Variants in DHX36 observed in about 807,000 individuals in gnomAD.
DHX36 encodes the protein DEAH-box helicase 36.
A neutral mutation model predicts 139.0 loss-of-function variants in DHX36; 50 were observed. The observed-to-expected ratio is 0.36, with a 90% CI of 0.29 to 0.46. The LOEUF (loss-of-function observed/expected upper bound fraction) is 0.46. Ranked by LOEUF, DHX36 falls within the 20% of genes least tolerant of loss-of-function variation. The probability of loss-of-function intolerance (pLI) is 1.00; values close to 1 mark genes in which losing one functional copy is unlikely to be tolerated. For missense variants in DHX36, 1,024 were observed against 1,211.3 expected (o/e 0.85, Z 2.29); for synonymous variants, 425 against 401.9 (o/e 1.06, Z -0.69).
Position 154,291,923 on chromosome 3 carries a change from G to A in DHX36, c.1814+628C>T, listed in dbSNP as rs545773186. Among the ~76,000 whole-genome samples the A allele has an allele frequency of 3.9e-5, 6 of 152,292 alleles. No homozygotes were observed. In the South Asian group the frequency reaches 1.2e-3, roughly 32 times the overall value. Reference sequence around the variant, plus strand: ...TTTTCCTATCATTAAGACAGAGATAGTTTTACTTCTTAAGTTATTATGACA... The same window carrying A: ...TTTTCCTATCATTAAGACAGAGATAATTTTACTTCTTAAGTTATTATGACA... On this transcript the variant is annotated intron_variant, in intron 15 of 24. Transcript: ENST00000496811.
At chr3:154,297,839 T>A (rs1686565913) in intron 12 of DHX36, among the ~76,000 whole-genome samples, 1 of 151,902 alleles carries the variant, frequency 6.6e-6, no homozygotes, top group African/African-American at 2.4e-5. Flanking sequence ...GGAAAAAAAA[T>A]TTATATTGTT....
At chr3:154,314,862 T>C (rs901615471) in intron 3 of DHX36, 184 bp downstream of exon 3, 3 of 555,644 alleles carry the variant, frequency 5.4e-6, no homozygotes, top group Non-Finnish European at 6.4e-6. Flanking sequence ...TAGGATACTG[T>C]AGGTTATGTG....
Position 154,275,332 on chromosome 3 carries a change from G to A in DHX36, c.*839C>T, listed in dbSNP as rs1360261509. 1 of 152,118 alleles carries A rather than the reference G, an allele frequency of 6.6e-6. No individual in the cohort carries two copies. The highest frequency in any genetic ancestry group is 2.4e-5 in the African/African-American group (1 of 41,406). The allele number at this position is 152,118 out of a possible 1,614,324, so 9.4% of individuals were successfully genotyped here. A position where few individuals can be genotyped will look rare whatever the true frequency, so the allele number is the denominator to read the frequency against. Reference sequence around the variant, plus strand: ...AACTGTATTGTTTAGGGAATGACAAGGAAAAAAGTCTGCACATGTTCAGTA... The same window carrying A: ...AACTGTATTGTTTAGGGAATGACAAAGAAAAAAGTCTGCACATGTTCAGTA... On this transcript the variant is annotated 3_prime_UTR_variant, in exon 25 of 25. Coordinates refer to ENST00000496811, the MANE Select transcript of DHX36 (RefSeq NM_020865.3).
intron 19 of DHX36, among the ~76,000 whole-genome samples, chr3:154,283,755 C>A (rs921992069): frequency 7.9e-5 from 12 of 151,670 alleles, no homozygotes; most frequent in Admixed American, 4.6e-4. Flanking sequence ...GAATGTAGAG[C>A]CACAGAAAAA....
intron 8 of DHX36, among the ~76,000 whole-genome samples, chr3:154,304,598 A>C (rs1712428941): frequency 1.3e-5 from 2 of 152,164 alleles, no homozygotes; most frequent in Non-Finnish European, 2.9e-5. Flanking sequence ...TAGCAACAAG[A>C]AGCTACCTGT....
chr3:154,318,993 A>G (rs745888369), intron 1 of DHX36: 3 of 152,154 alleles, frequency 2.0e-5, no homozygotes, highest in Non-Finnish European at 4.4e-5. Flanking sequence ...TGAAAATGTA[A>G]TTTACACTCT....
intron 19 of DHX36, 129 bp downstream of exon 19, chr3:154,284,454 T>A (rs1478044356): frequency 1.4e-6 from 1 of 737,390 alleles, no homozygotes; most frequent in Admixed American, 3.1e-5. Flanking sequence ...GTGCTATGAT[T>A]ACAGGCATGA....
rs555272026 is a variant in DHX36 at position 154,306,139 on chromosome 3, A to G, written c.893+77T>C. On this transcript the variant is annotated intron_variant, in intron 6 of 24. Coordinates refer to ENST00000496811, the MANE Select transcript of DHX36 (RefSeq NM_020865.3). ...TAATAACCATCATAAAAATGGGGAA[A>G]ATATCCTTTCTTTTGAATCTCCAGC... The G allele has an allele frequency of 1.2e-5, 13 of 1,112,536 alleles. No homozygotes were observed. The South Asian group carries it at 1.7e-4, about 14-fold the overall frequency. The allele number at this position is 1,112,536 out of a possible 1,614,324, so 68.9% of individuals were successfully genotyped here.
chr3:154,280,959 T>TG, intron 20 of DHX36, 97 bp from the exon 21 acceptor site: 1 of 895,638 alleles, frequency 1.1e-6, no homozygotes, highest in Non-Finnish European at 1.7e-6. Context: ...AAGCTATCCC[T>TG]GCTTTATGAA....
chr3:154,284,334 C>A (rs1711501006), intron 19 of DHX36, among the ~76,000 whole-genome samples: 1 of 151,924 alleles, frequency 6.6e-6, no homozygotes, highest in Non-Finnish European at 1.5e-5. Context: ...ATGCCCACCA[C>A]CACACACAGC....
intron 12 of DHX36, among the ~76,000 whole-genome samples, chr3:154,295,628 AGTTT>A (rs1712014393): frequency 6.6e-6 from 1 of 152,180 alleles, no homozygotes; most frequent in Non-Finnish European, 1.5e-5. Flanking sequence ...TTGTTCTGTT[AGTTT>A]ATTTCATATT....
At position 154,283,277 on chromosome 3, in the gene DHX36, G is replaced by A. The variant is rs1165573845; in HGVS notation, c.2293-6C>T. 6.2e-7 allele frequency: 1 copy of A among 1,600,228 alleles called. No homozygotes were observed. The highest frequency in any genetic ancestry group is 8.6e-7 in the Non-Finnish European group (1 of 1,168,420). ...CGCCTAGCCTCTTCCCAGCCCTATG[G>A]GGCAAAGAAATGAAGAAATCTATAT... is the stretch of plus-strand genomic sequence containing the variant. On this transcript the variant is annotated splice_polypyrimidine_tract_variant and splice_region_variant and intron_variant, in intron 19 of 24. Coordinates refer to ENST00000496811, the MANE Select transcript of DHX36 (RefSeq NM_020865.3).
intron 1 of DHX36, 63 bp downstream of exon 1, chr3:154,324,111 G>A: frequency 6.7e-7 from 1 of 1,489,458 alleles, no homozygotes; most frequent in Non-Finnish European, 9.1e-7. Context: ...GAAAAAGGGG[G>A]CAGCGGGAGA....
chr3:154,309,099 G>C (rs1712631060), intron 5 of DHX36, among the ~76,000 whole-genome samples: 1 of 151,964 alleles, frequency 6.6e-6, no homozygotes, highest in African/African-American at 2.4e-5. Flanking sequence ...GAGGCAGGAG[G>C]ATCACTTGAA....
At chr3:154,312,900 T>TATATATATATATATATATAA (rs1331669290) in intron 3 of DHX36, among the ~76,000 whole-genome samples, 1 of 67,586 alleles carries the variant, frequency 1.5e-5, no homozygotes, top group Non-Finnish European at 2.8e-5. Context: ...TATATATATA[T>TATATATATATATATATATAA]AAAATAAATA....
intron 14 of DHX36, 31 bp from the exon 15 acceptor site, chr3:154,292,725 A>G: frequency 1.3e-6 from 2 of 1,561,074 alleles, no homozygotes; most frequent in Non-Finnish European, 1.7e-6. Context: ...TAAAATGTTA[A>G]AACACACACA....
chr3:154,311,611 T>A (rs1712765601), intron 4 of DHX36, 25 bp downstream of exon 4: 1 of 1,585,358 alleles, frequency 6.3e-7, no homozygotes, highest in Non-Finnish European at 8.5e-7. Context: ...CAAATCAAAT[T>A]AAATAGTGGA....
chr3:154,304,826 T>G lies in DHX36; in HGVS notation c.1115A>C (p.Glu372Ala). The G allele has an allele frequency of 6.4e-7, 1 of 1,568,484 alleles. No individual in the cohort carries two copies. The highest frequency in any genetic ancestry group is 1.2e-5 in the South Asian group (1 of 83,414). ...VILMSATLNA[E>A]KFSEYFGNCP... ...CTCACCAAAATATTCTGAAAACTTT[T>G]CTGCATTCAATGTTGCACTCATCAA... The change falls in exon 8 of 25, where the codon GAA (glutamate) becomes GCA (alanine). Residue 372 changes from glutamate to alanine, a missense_variant. Glu to Ala is a moderately radical substitution (Grantham distance 107). Transcript: ENST00000496811.
chr3:154,290,692 G>A (rs901892644), intron 15 of DHX36, among the ~76,000 whole-genome samples: 10 of 149,602 alleles, frequency 6.7e-5, no homozygotes, highest in Admixed American at 6.0e-4. Context: ...GTATTCTCAA[G>A]TAGAAGAGAT....
Sources: gnomAD v4.1 joint callset for allele counts (sites outside exome capture counted in the v4.1 genomes callset) on GRCh38, gnomAD v4.1.1 for gene constraint, MANE v1.5 for transcripts, NCBI Gene and HGNC (gene_info 2026-07-23, HGNC 2026-07-21) for gene names.